The following SMIM5 variants were observed in gnomAD, a reference collection of about 807,000 sequenced individuals.
SMIM5 encodes chromosome 17 open reading frame 109.
In SMIM5, 4 loss-of-function variants were observed where a neutral mutation model predicts 4.0. The ratio of observed to expected loss-of-function variants is 1.01; its 90% CI spans 0.50 to 2.30. SMIM5 has a LOEUF of 2.30. Among genes scored for constraint, SMIM5 ranks in the 30% most tolerant of loss-of-function variants. The probability of loss-of-function intolerance (pLI) is 0.02; values close to 1 mark genes in which losing one functional copy is unlikely to be tolerated. For synonymous variants in SMIM5, 46 were observed against 43.6 expected, an observed-to-expected ratio of 1.05 and a Z score of -0.22; for missense variants, 107 against 99.2, an observed-to-expected ratio of 1.08 and a Z score of -0.34.
In SMIM5 at chr17:75,640,759, C is replaced by G. The variant is rs116346711; in HGVS notation, c.128-32C>G. 6.9e-5 allele frequency: 106 copies of G among 1,544,114 alleles called. No homozygotes were observed. In the African/African-American group the frequency reaches 1.2e-3, roughly 17 times the overall value. On this transcript the variant is annotated intron_variant, in intron 2 of 2. Coordinates refer to ENST00000375215, the MANE Select transcript of SMIM5 (RefSeq NM_001162995.3). This position sits in a 1 kb window ranked among gnomAD's most constrained non-coding sequence, Gnocchi z 4.6. ...GGTGGGCATCCTTTCTCTCCCCCAA[C>G]CTGAGTCCCGTGCTCTCTCCCGGCC... is the stretch of plus-strand genomic sequence containing the variant.
Position 75,635,685 on chromosome 17 carries a change from C to G in SMIM5, c.-37+1483C>G, listed in dbSNP as rs530008756. On this transcript the variant is annotated intron_variant, in intron 1 of 2. Transcript: ENST00000375215. ...TCTCCCACAAGTGTCAGTTATGCCT[C>G]CTTCTAGGTGGACCTCAAACGAGAT... The G allele has an allele frequency of 1.6e-5, 10 of 616,708 alleles. No individual in the cohort carries two copies. In the African/African-American group the frequency reaches 2.0e-4, roughly 12 times the overall value. The allele number at this position is 616,708 out of a possible 1,614,324, so 38.2% of individuals were successfully genotyped here.
chr17:75,635,829 G>A (rs1171822421), intron 1 of SMIM5: 11 of 985,322 alleles, frequency 1.1e-5, no homozygotes, highest in Non-Finnish European at 1.3e-5. Flanking sequence ...CAAACACGCC[G>A]CCTGCTGCCA....
At position 75,639,864 on chromosome 17, in the gene SMIM5, G is replaced by A. The variant is rs2059400436; in HGVS notation, c.-36-302G>A. 1.3e-5 allele frequency: 3 copies of A among 231,778 alleles called. 1 individual carries two copies. The South Asian group carries it at 2.9e-4, about 22-fold the overall frequency. The allele number at this position is 231,778 out of a possible 1,614,324, so 14.4% of individuals were successfully genotyped here. Reference sequence around the variant, plus strand: ...AAGCACCCAGGCAAAACCCAGTAGTGGTACCTCAAGACAAGGGAATGGAAC... The same window carrying A: ...AAGCACCCAGGCAAAACCCAGTAGTAGTACCTCAAGACAAGGGAATGGAAC... On this transcript the variant is annotated intron_variant, in intron 1 of 2. Coordinates refer to ENST00000375215, the MANE Select transcript of SMIM5 (RefSeq NM_001162995.3).
rs796773105 is a variant in SMIM5 at position 75,638,774 on chromosome 17, C to T, written c.-36-1392C>T. The T allele has an allele frequency of 2.0e-5, 3 of 152,438 alleles. No homozygotes were observed. The South Asian group carries it at 6.2e-4, about 32-fold the overall frequency. 9.4% of individuals were successfully genotyped at this position (152,438 alleles called of 1,614,324 possible). ...TTCCATATCAGAGACATGAAGCAAC[C>T]TGTTCATGTCACAAAAGGAAGAAGT... On this transcript the variant is annotated intron_variant, in intron 1 of 2. Transcript: ENST00000375215.
intron 1 of SMIM5, chr17:75,637,155 C>G (rs886557576): frequency 6.6e-6 from 1 of 152,352 alleles, no homozygotes; most frequent in Non-Finnish European, 1.5e-5. Context: ...TTCCTCCTCC[C>G]TGTTCTGGTG....
chr17:75,634,036 C>A lies in SMIM5; in HGVS notation c.-203C>A. On this transcript the variant is annotated 5_prime_UTR_variant, in exon 1 of 3. Transcript: ENST00000375215. The stretch of plus-strand genomic sequence containing the variant: ...TAATTTGACACTTGGATCTCCAGGA[C>A]GACCAACAACAAAAAAGCCAGGCAG... The A allele has an allele frequency of 1.0e-6, 1 of 985,558 alleles. No homozygotes were observed. Among genetic ancestry groups the A allele is most frequent in the Non-Finnish European group, 1.2e-6 (1 of 830,020 alleles). The allele number at this position is 985,558 out of a possible 1,614,324, so 61.1% of individuals were successfully genotyped here.
chr17:75,640,666 A>C lies in SMIM5; in HGVS notation c.128-125A>C, dbSNP rs2059419872. On this transcript the variant is annotated intron_variant, in intron 2 of 2. Transcript: ENST00000375215. This position sits in a 1 kb window ranked among gnomAD's most constrained non-coding sequence, Gnocchi z 4.6. ...TCCGCACCTCTCACCAGCCTCTCGG[A>C]TCTTTCTGACCTCCACCAAACCTGT... 1 of 1,468,384 alleles carries C rather than the reference A, an allele frequency of 6.8e-7. No homozygotes were observed. Among genetic ancestry groups the C allele is most frequent in the Non-Finnish European group, 9.0e-7 (1 of 1,106,466 alleles). 91.0% of individuals were successfully genotyped at this position (1,468,384 alleles called of 1,614,324 possible). A position where few individuals can be genotyped will look rare whatever the true frequency, so the allele number is the denominator to read the frequency against.
At chr17:75,634,463 G>A (rs765215500) in intron 1 of SMIM5, among the ~76,000 whole-genome samples, 7 of 152,252 alleles carry the variant, frequency 4.6e-5, no homozygotes, top group East Asian at 1.9e-4. Context: ...GAGGGGCCCC[G>A]AGGGCCTGCT....
Position 75,640,220 on chromosome 17 carries a change from G to C in SMIM5, c.19G>C (p.Val7Leu), listed in dbSNP as rs563203070. ...GCGCGGCATGGCTGCCACCGACTTC[G>C]TGCAGGAGATGCGCGCCGTGGGCGA... MAATDFVQEMRAVGERL... is the reference protein window; with the variant it reads MAATDFLQEMRAVGERL... Residue 7 changes from valine to leucine, a missense_variant, in exon 2 of 3, where the codon GTG (valine) becomes CTG (leucine). Transcript: ENST00000375215. This position sits in a 1 kb window ranked among gnomAD's most constrained non-coding sequence, Gnocchi z 4.6. The C allele has an allele frequency of 1.8e-5, 28 of 1,550,240 alleles. No homozygotes were observed. The highest frequency in any genetic ancestry group is 2.4e-5 in the South Asian group (2 of 83,998).
chr17:75,640,877 G>A lies in SMIM5; in HGVS notation c.214G>A (p.Val72Met), dbSNP rs1483129972. ...TGAGCGGAGAGGCAGGAAGGTCCAGGTGCAGCCGACACCACCATGACGGAC... is the reference window on the plus strand; with the variant it reads ...TGAGCGGAGAGGCAGGAAGGTCCAGATGCAGCCGACACCACCATGACGGAC... ...CPERRGRKVQ[V>M]QPTPP The change falls in exon 3 of 3, where the codon GTG becomes ATG. Residue 72 changes from valine (V) to methionine (M), a missense_variant. By Grantham distance (21) the Val-to-Met change is conservative. Transcript: ENST00000375215. The surrounding 1 kb of genome is among the most constrained non-coding windows in gnomAD (Gnocchi z 4.6). The A allele has an allele frequency of 1.9e-6, 3 of 1,546,482 alleles. No individual in the cohort carries two copies. Among genetic ancestry groups the A allele is most frequent in the South Asian group, 2.4e-5 (2 of 84,062 alleles).
chr17:75,639,472 G>C (rs540859967), intron 1 of SMIM5: 1 of 152,452 alleles, frequency 6.6e-6, no homozygotes, highest in Admixed American at 6.5e-5. Context: ...TGGGAGTGGA[G>C]AGGACTTTCC....
Position 75,633,948 on chromosome 17 carries a change from C to CGGGACAT in SMIM5, c.-289_-283dup, listed in dbSNP as rs536608162. ...CGCTCTCAGGGCAGAGGTGAGGCAC[C>CGGGACAT]GGGACATGAAGTTGGAGGACAAGTT... On this transcript the variant is annotated 5_prime_UTR_variant, in exon 1 of 3. In the 5' UTR this introduces an upstream ATG that the reference lacks. Transcript: ENST00000375215. 2.7e-4 allele frequency: 270 copies of CGGGACAT among 985,574 alleles called. No homozygotes were observed. The highest frequency in any genetic ancestry group is 3.2e-4 in the Non-Finnish European group (263 of 830,070). 61.1% of individuals were successfully genotyped at this position (985,574 alleles called of 1,614,324 possible).
At chr17:75,639,989 G>A in intron 1 of SMIM5, 177 bp from the exon 2 acceptor site, 3 of 610,030 alleles carry the variant, frequency 4.9e-6, no homozygotes, top group Non-Finnish European at 8.2e-6. Flanking sequence ...ACCCTGAGCT[G>A]TGTCAGCTGG....
At chr17:75,635,751 G>A (rs959020383) in intron 1 of SMIM5, 18 of 981,440 alleles carry the variant, frequency 1.8e-5, no homozygotes, top group Non-Finnish European at 2.1e-5. Context: ...CCACCATGAC[G>A]AAACAACAGG....
In SMIM5 at chr17:75,641,075, G is replaced by A; in HGVS notation, c.*178G>A. ...AGCCCTACCAAGGAAACAAGGGCTG[G>A]TATAGGTGCAAACCTCTCATCTGCC... On this transcript the variant is annotated 3_prime_UTR_variant, in exon 3 of 3. Coordinates refer to ENST00000375215, the MANE Select transcript of SMIM5 (RefSeq NM_001162995.3). 1 of 1,177,368 alleles carries A rather than the reference G, an allele frequency of 8.5e-7. No homozygotes were observed. Among genetic ancestry groups the A allele is most frequent in the Non-Finnish European group, 1.2e-6 (1 of 864,256 alleles). 72.9% of individuals were successfully genotyped at this position (1,177,368 alleles called of 1,614,324 possible). A position where few individuals can be genotyped will look rare whatever the true frequency, so the allele number is the denominator to read the frequency against.
chr17:75,635,507 G>A (rs910657296), intron 1 of SMIM5, among the ~76,000 whole-genome samples: 2 of 152,198 alleles, frequency 1.3e-5, no homozygotes, highest in East Asian at 1.9e-4. Flanking sequence ...GCTTCCTCCC[G>A]CCCTGGGTGG....
At position 75,639,773 on chromosome 17, in the gene SMIM5, A is replaced by G. The variant is rs531774455; in HGVS notation, c.-36-393A>G. 66 of 158,086 alleles carry G rather than the reference A, an allele frequency of 4.2e-4. 1 individual carries two copies. Among genetic ancestry groups the G allele is most frequent in the Non-Finnish European group, 7.4e-4 (53 of 71,840 alleles). 9.8% of individuals were successfully genotyped at this position (158,086 alleles called of 1,614,324 possible). On this transcript the variant is annotated intron_variant, in intron 1 of 2. Transcript: ENST00000375215. Reference sequence around the variant, plus strand: ...GCTCCTTCTGTCCCCACATTGATGGAAGGCAAGAGTACCAGCTTGGCATCC... The same window carrying G: ...GCTCCTTCTGTCCCCACATTGATGGGAGGCAAGAGTACCAGCTTGGCATCC...
chr17:75,640,642 C>T lies in SMIM5; in HGVS notation c.128-149C>T. On this transcript the variant is annotated intron_variant, in intron 2 of 2. Coordinates refer to ENST00000375215, the MANE Select transcript of SMIM5 (RefSeq NM_001162995.3). The surrounding 1 kb of genome is among the most constrained non-coding windows in gnomAD (Gnocchi z 4.6). ...CCCTGGCGGCTGGCATGGGGACCGT[C>T]CGCACCTCTCACCAGCCTCTCGGAT... The T allele has an allele frequency of 6.9e-7, 1 of 1,448,930 alleles. No individual in the cohort carries two copies. Among genetic ancestry groups the T allele is most frequent in the East Asian group, 2.5e-5 (1 of 39,866 alleles). The allele number at this position is 1,448,930 out of a possible 1,614,324, so 89.8% of individuals were successfully genotyped here. A position where few individuals can be genotyped will look rare whatever the true frequency, so the allele number is the denominator to read the frequency against.
chr17:75,640,858 G>A lies in SMIM5; in HGVS notation c.195G>A (p.Arg65=), dbSNP rs1352843892. 3 of 1,548,372 alleles carry A rather than the reference G, an allele frequency of 1.9e-6. No homozygotes were observed. Among genetic ancestry groups the A allele is most frequent in the South Asian group, 2.4e-5 (2 of 84,058 alleles). ...GCACTCACTGCTGCTGCCCTGAGCG[G>A]AGAGGCAGGAAGGTCCAGGTGCAGC... The part of the protein sequence containing the change: ...CCCTHCCCPE[R]RGRKVQVQPT... Residue 65 remains arginine (R), a synonymous_variant, in exon 3 of 3, where the codon CGG becomes CGA. Coordinates refer to ENST00000375215, the MANE Select transcript of SMIM5 (RefSeq NM_001162995.3). The surrounding 1 kb of genome is among the most constrained non-coding windows in gnomAD (Gnocchi z 4.6).
Sources: allele counts gnomAD v4.1 joint callset (sites outside exome capture counted in the v4.1 genomes callset), GRCh38; gene constraint gnomAD v4.1.1; non-coding constraint Gnocchi (gnomAD v3.1); transcripts MANE v1.5; gene names NCBI Gene and HGNC (gene_info 2026-07-23, HGNC 2026-07-21).